MATR3: variants seen among roughly 807,000 people sequenced by gnomAD.
The protein encoded by MATR3 is matrin 3.
A neutral mutation model predicts 85.5 loss-of-function variants in MATR3; 4 were observed. The observed-to-expected ratio is 0.05, with a 90% CI of 0.02 to 0.11. The LOEUF (loss-of-function observed/expected upper bound fraction) is 0.11. Ranked by LOEUF, MATR3 falls within the 10% of genes least tolerant of loss-of-function variation. MATR3 has a pLI of 1.00. For synonymous variants in MATR3, 336 were observed against 343.1 expected (o/e 0.98, Z 0.23); for missense variants, 685 against 1,016.1 (o/e 0.67, Z 4.43).
intron 1 of MATR3, among the ~76,000 whole-genome samples, chr5:139,304,500 GAAAAA>G (rs781328136): frequency 4.2e-5 from 5 of 117,818 alleles, no homozygotes; most frequent in Non-Finnish European, 7.3e-5. Flanking sequence ...AACTCCATCT[GAAAAA>G]AAAAAAAAAA....
At chr5:139,294,165 G>T in intron 1 of MATR3, 3 of 864,258 alleles carry the variant, frequency 3.5e-6, no homozygotes, top group Non-Finnish European at 4.7e-6. Context: ...GGGACGACTA[G>T]CCCGTTACAC....
At chr5:139,318,688 G>A (rs1755384153) in intron 7 of MATR3, among the ~76,000 whole-genome samples, 1 of 152,206 alleles carries the variant, frequency 6.6e-6, no homozygotes, top group African/African-American at 2.4e-5. Context: ...CTCGTGATCC[G>A]CCTGCCTCGG....
intron 3 of MATR3, chr5:139,285,120 G>A (rs562863124): frequency 6.6e-6 from 1 of 152,336 alleles, no homozygotes; most frequent in Non-Finnish European, 1.5e-5. Flanking sequence ...GAGCTTTCAT[G>A]TATAGTGCCC....
upstream of MATR3, among the ~76,000 whole-genome samples, chr5:139,288,760 C>T (rs1753785684): frequency 6.6e-6 from 1 of 152,154 alleles, no homozygotes; most frequent in Non-Finnish European, 1.5e-5. Flanking sequence ...CCTGCCTCAA[C>T]CTCCCGAGTA....
chr5:139,315,722 G>A lies in MATR3; in HGVS notation c.1000G>A (p.Asp334Asn). The change falls in exon 4 of 15, where the codon GAT (aspartate) becomes AAT (asparagine). Residue 334 changes from aspartate (D) to asparagine (N), a missense_variant. Asp to Asn is a conservative substitution (Grantham distance 23). Around this residue, in one of 9 missense-constraint regions of MATR3, gnomAD observed 223 missense variants for 334.4 expected, o/e 0.67. Transcript: ENST00000394805. ...CTACCCAGAATGGAATCCTGACAAT[G>A]ATACAGGACACACAATGTAAGTTAA... Reference protein sequence around the residue: ...EIYPEWNPDNDTGHTMGDPFM... With the variant: ...EIYPEWNPDNNTGHTMGDPFM... 1 of 1,611,294 alleles carries A rather than the reference G, an allele frequency of 6.2e-7. No individual in the cohort carries two copies. The highest frequency in any genetic ancestry group is 8.5e-7 in the Non-Finnish European group (1 of 1,177,684).
At chr5:139,304,513 A>AT (rs1044316255) in intron 1 of MATR3, among the ~76,000 whole-genome samples, 2 of 152,064 alleles carry the variant, frequency 1.3e-5, no homozygotes, top group African/African-American at 2.4e-5. Context: ...AAAAAAAAAA[A>AT]AAGAATTTGG....
chr5:139,292,143 G>A (rs1753895393), upstream of MATR3: 1 of 151,542 alleles, frequency 6.6e-6, no homozygotes, highest in Non-Finnish European at 1.5e-5. Flanking sequence ...TATTATTTTA[G>A]TAGAGACGGT....
chr5:139,288,413 T>G (rs1369002396), intron 3 of MATR3, among the ~76,000 whole-genome samples: 1 of 152,134 alleles, frequency 6.6e-6, no homozygotes. Context: ...CAAACATGGG[T>G]AGGTGTGTAT....
At chr5:139,278,618 A>G (rs1217773733) in intron 2 of MATR3, 1 of 358,746 alleles carries the variant, frequency 2.8e-6, no homozygotes, top group Non-Finnish European at 5.6e-6. Context: ...GTTGCATAAA[A>G]CAACTGAAAA....
chr5:139,319,265 T>C lies in MATR3; in HGVS notation c.1435-69T>C, dbSNP rs1420414377. The stretch of plus-strand genomic sequence containing the variant: ...TAAAAATAAAACAATTGGTAAAGAC[T>C]AGGATGTTTTTAACTGTTAACTAAT... On this transcript the variant is annotated intron_variant, in intron 8 of 14. Transcript: ENST00000394805. 2.7e-6 allele frequency: 4 copies of C among 1,464,788 alleles called. No homozygotes were observed. The African/African-American group carries it at 5.6e-5, about 20-fold the overall frequency. 90.7% of individuals were successfully genotyped at this position (1,464,788 alleles called of 1,614,324 possible).
intron 9 of MATR3, among the ~76,000 whole-genome samples, chr5:139,321,553 C>A (rs1755569470): frequency 6.6e-6 from 1 of 152,164 alleles, no homozygotes; most frequent in Non-Finnish European, 1.5e-5. Flanking sequence ...GAGGCCAAAG[C>A]AGGAGGATTG....
chr5:139,325,356 G>A (rs949831836), intron 12 of MATR3, 84 bp from the exon 13 acceptor site: 2 of 1,584,640 alleles, frequency 1.3e-6, no homozygotes, highest in Non-Finnish European at 1.7e-6. Context: ...TGATGAGGAA[G>A]ATTCGGAACT....
At chr5:139,278,434 T>C (rs1253610056) in intron 2 of MATR3, 1 of 445,600 alleles carries the variant, frequency 2.2e-6, no homozygotes, top group South Asian at 1.6e-5. Flanking sequence ...CATTCCAACA[T>C]TGACTACCTC....
At chr5:139,316,032 G>C in intron 4 of MATR3, 44 bp from the exon 5 acceptor site, 1 of 1,354,352 alleles carries the variant, frequency 7.4e-7, no homozygotes, top group Non-Finnish European at 1.1e-6. Context: ...CTTTCCAATG[G>C]ACCTCTTTAT....
intron 1 of MATR3, among the ~76,000 whole-genome samples, chr5:139,302,799 C>G (rs1333614713): frequency 6.6e-6 from 1 of 152,152 alleles, no homozygotes; most frequent in South Asian, 2.1e-4. Context: ...TATATTTTCA[C>G]ATGAATAAGC....
chr5:139,288,010 A>G (rs896838864), intron 3 of MATR3, among the ~76,000 whole-genome samples: 2 of 152,170 alleles, frequency 1.3e-5, no homozygotes, highest in Non-Finnish European at 2.9e-5. Flanking sequence ...CAGGAGTTCG[A>G]CACCAGCCTA....
At chr5:139,305,579 A>G (rs1298229663) in intron 1 of MATR3, among the ~76,000 whole-genome samples, 1 of 152,192 alleles carries the variant, frequency 6.6e-6, no homozygotes, top group Non-Finnish European at 1.5e-5. Flanking sequence ...CCATTTACAT[A>G]GCATCTCAGC....
At chr5:139,289,388 C>T (rs1036095320), upstream of MATR3, among the ~76,000 whole-genome samples, 4 of 152,210 alleles carry the variant, frequency 2.6e-5, no homozygotes, top group African/African-American at 9.6e-5. Flanking sequence ...CTACTGCACT[C>T]CATCCTGGAT....
chr5:139,319,888 T>TA (rs1311994559), intron 9 of MATR3, among the ~76,000 whole-genome samples: 2,172 of 106,356 alleles, frequency 0.02, 62 homozygotes, highest in Non-Finnish European at 0.027. Flanking sequence ...TTTTTTTTTT[T>TA]AAAGTATATC....
Sources: allele counts gnomAD v4.1 joint callset (sites outside exome capture counted in the v4.1 genomes callset), GRCh38; gene constraint gnomAD v4.1.1; regional missense constraint gnomAD v4.1.1; transcripts MANE v1.5; gene names NCBI Gene and HGNC (gene_info 2026-07-23, HGNC 2026-07-21).